Variants in ELP6 observed in about 807,000 individuals in gnomAD.
The protein encoded by ELP6 is elongator acetyltransferase complex subunit 6, also known as elongator complex protein 6.
ELP6 carries 23 observed loss-of-function variants against 28.1 expected under a neutral mutation model. That is an observed-to-expected ratio of 0.82 (90% CI 0.59 to 1.16). ELP6 has a LOEUF of 1.16. ELP6 is among the 50% of genes most tolerant of loss of function. ELP6 has a pLI of 0.00. For missense variants in ELP6, 313 were observed against 334.6 expected (o/e 0.94, Z 0.50); for synonymous variants, 132 against 135.8 (o/e 0.97, Z 0.19).
intron 1 of ELP6, 172 bp downstream of exon 1, chr3:47,513,365 G>A: frequency 7.1e-7 from 1 of 1,405,050 alleles, no homozygotes. Context: ...CACTTTCGGC[G>A]GGCCCAAGCC....
At chr3:47,496,813 G>A in intron 6 of ELP6, 1 of 985,298 alleles carries the variant, frequency 1.0e-6, no homozygotes, top group Non-Finnish European at 1.2e-6. Context: ...TTTCTTCTAA[G>A]CATGGTTTTG....
intron 5 of ELP6, among the ~76,000 whole-genome samples, chr3:47,499,106 A>G (rs1409822722): frequency 6.6e-6 from 1 of 152,278 alleles, no homozygotes; most frequent in Non-Finnish European, 1.5e-5. Context: ...GGCCGGGGAC[A>G]GTGGTGCATG....
intron 1 of ELP6, chr3:47,512,771 C>A (rs934767639): frequency 5.3e-6 from 5 of 945,564 alleles, no homozygotes; most frequent in Non-Finnish European, 6.3e-6. Context: ...AGAAGAACAG[C>A]AGCGTTCAAT....
intron 1 of ELP6, chr3:47,511,615 G>A (rs1017776714): frequency 1.6e-6 from 1 of 614,816 alleles, no homozygotes; most frequent in African/African-American, 2.0e-5. Flanking sequence ...GACTGGAAGA[G>A]GCCTTCAAAA....
At chr3:47,503,524 G>T in intron 4 of ELP6, 1 of 907,760 alleles carries the variant, frequency 1.1e-6, no homozygotes, top group Non-Finnish European at 1.5e-6. Flanking sequence ...TGTTGCTGTA[G>T]TGCAAAAACA....
At chr3:47,510,358 A>G in intron 2 of ELP6, 104 bp from the exon 3 acceptor site, 1 of 874,598 alleles carries the variant, frequency 1.1e-6, no homozygotes, top group Non-Finnish European at 1.8e-6. Flanking sequence ...CTAGAGACCC[A>G]GAGGCTTTGC....
chr3:47,502,654 G>T, intron 4 of ELP6: 1 of 694,938 alleles, frequency 1.4e-6, no homozygotes, highest in Non-Finnish European at 1.8e-6. Flanking sequence ...AGGCAACAGA[G>T]TGGGACTATA....
At chr3:47,513,449 T>G (rs1022523190) in intron 1 of ELP6, 88 bp downstream of exon 1, 6 of 1,553,086 alleles carry the variant, frequency 3.9e-6, no homozygotes, top group Non-Finnish European at 5.2e-6. Flanking sequence ...GTCGCGCCAT[T>G]CCCCGGGGTC....
intron 4 of ELP6, among the ~76,000 whole-genome samples, chr3:47,503,814 C>G (rs1708741623): frequency 6.6e-6 from 1 of 152,072 alleles, no homozygotes; most frequent in African/African-American, 2.4e-5. Context: ...TGGCGTGAAC[C>G]TGGGAGGCAG....
At chr3:47,503,430 A>T in intron 4 of ELP6, 1 of 1,289,718 alleles carries the variant, frequency 7.8e-7, no homozygotes, top group Non-Finnish European at 1.0e-6. Flanking sequence ...AAACCAGGGG[A>T]AAAATTTTTT....
At position 47,496,895 on chromosome 3, in the gene ELP6, T is replaced by C. The variant is rs1014340722; in HGVS notation, c.673-698A>G. ...ATTCACTACAGAGGCCCAGGAAGGCTAGATACCTGTTTTGATGGTGTTACT... is the reference window on the plus strand; with the variant it reads ...ATTCACTACAGAGGCCCAGGAAGGCCAGATACCTGTTTTGATGGTGTTACT... On this transcript the variant is annotated intron_variant, in intron 6 of 6. Transcript: ENST00000296149. The C allele has an allele frequency of 2.6e-5, 26 of 985,256 alleles. No homozygotes were observed. In the Admixed American group the frequency reaches 4.3e-4, roughly 16 times the overall value. 61.0% of individuals were successfully genotyped at this position (985,256 alleles called of 1,614,324 possible).
At chr3:47,509,016 A>C (rs1455618183) in intron 3 of ELP6, among the ~76,000 whole-genome samples, 1 of 151,660 alleles carries the variant, frequency 6.6e-6, no homozygotes, top group Non-Finnish European at 1.5e-5. Flanking sequence ...TGCCCACCTC[A>C]GCCTCTCAAA....
At chr3:47,502,307 G>T in intron 4 of ELP6, 1 of 618,280 alleles carries the variant, frequency 1.6e-6, no homozygotes, top group Non-Finnish European at 2.0e-6. Flanking sequence ...CCACTCAGGA[G>T]GCTGAGGCAG....
intron 6 of ELP6, among the ~76,000 whole-genome samples, chr3:47,497,584 G>A (rs1262982860): frequency 6.7e-6 from 1 of 149,998 alleles, no homozygotes; most frequent in African/African-American, 2.4e-5. Flanking sequence ...TGACCAGCCC[G>A]CCTCAGCCTC....
At chr3:47,499,411 C>T (rs1270694646) in intron 5 of ELP6, among the ~76,000 whole-genome samples, 4 of 151,166 alleles carry the variant, frequency 2.6e-5, no homozygotes, top group Non-Finnish European at 5.9e-5. Context: ...CCCAGCTACT[C>T]GGGAGGCTGT....
Position 47,513,540 on chromosome 3 carries a change from C to G in ELP6, c.51G>C (p.Glu17Asp). ...TCCGGCCAGCGGGACCTCTTACCTG[C>G]TCCGCCCTGTCGGGGGTGGTGTTAA... ...NLLNTTPDRA[E>D]QGKLTLLCDA... Residue 17 changes from glutamate to aspartate, a missense_variant, in exon 1 of 7, where the codon GAG becomes GAC. Coordinates refer to ENST00000296149, the MANE Select transcript of ELP6 (RefSeq NM_001031703.3). 1 of 1,612,996 alleles carries G rather than the reference C, an allele frequency of 6.2e-7. No individual in the cohort carries two copies. Among genetic ancestry groups the G allele is most frequent in the Non-Finnish European group, 8.5e-7 (1 of 1,179,528 alleles).
chr3:47,503,499 C>A, intron 4 of ELP6: 1 of 1,154,726 alleles, frequency 8.7e-7, no homozygotes, highest in Non-Finnish European at 1.1e-6. Flanking sequence ...TCTGTCCCAA[C>A]TACTCAACTC....
At position 47,503,622 on chromosome 3, in the gene ELP6, G is replaced by A. The variant is rs1464620497; in HGVS notation, c.323+708C>T. ...AATAAATTTAAAAAAAGGAATTTTG[G>A]CCGGGCGCGGTGGCTCACTCTTGTA... On this transcript the variant is annotated intron_variant, in intron 4 of 6. Coordinates refer to ENST00000296149, the MANE Select transcript of ELP6 (RefSeq NM_001031703.3). Among the ~76,000 whole-genome samples, 13 of 152,196 alleles carry A rather than the reference G, an allele frequency of 8.5e-5. No homozygotes were observed. In the East Asian group the frequency reaches 2.5e-3, roughly 29 times the overall value.
In ELP6 at chr3:47,510,216, A is replaced by G; in HGVS notation, c.172T>C (p.Phe58Leu). ...KVCFVALIQSFSHYSIVGQKL... is the reference protein window; with the variant it reads ...KVCFVALIQSLSHYSIVGQKL... ...TGTCCCACGATACTGTAGTGGCTGA[A>G]GGACTGGATGAGTGCCACAAAGCAG... Residue 58 changes from phenylalanine (F) to leucine (L), a missense_variant, in exon 3 of 7, where the codon TTC becomes CTC. Phe to Leu is a conservative substitution (Grantham distance 22). Transcript: ENST00000296149. The G allele has an allele frequency of 6.2e-7, 1 of 1,614,110 alleles. No individual in the cohort carries two copies. Among genetic ancestry groups the G allele is most frequent in the South Asian group, 1.1e-5 (1 of 91,080 alleles).
Sources: allele counts gnomAD v4.1 joint callset (sites outside exome capture counted in the v4.1 genomes callset), GRCh38; gene constraint gnomAD v4.1.1; transcripts MANE v1.5; gene names NCBI Gene and HGNC (gene_info 2026-07-23, HGNC 2026-07-21).